GFOD1: variants seen among roughly 807,000 people sequenced by gnomAD.
The protein encoded by GFOD1 is glucose-fructose oxidoreductase domain-containing protein 1.
In GFOD1, 9 loss-of-function variants were observed where a neutral mutation model predicts 25.4. The ratio of observed to expected loss-of-function variants is 0.35; its 90% confidence interval spans 0.21 to 0.62. The LOEUF is 0.62. Among genes scored for constraint, GFOD1 ranks in the 20% least tolerant of loss-of-function variants. The pLI, the probability that GFOD1 is intolerant of heterozygous loss-of-function variation, is 0.72. For synonymous variants in GFOD1, 253 were observed against 245.6 expected, an observed-to-expected ratio of 1.03 and a Z score of -0.28; for missense variants, 403 against 556.9, an observed-to-expected ratio of 0.72 and a Z score of 2.78.
intron 1 of GFOD1, among the ~76,000 whole-genome samples, chr6:13,419,937 C>T (rs908785439): frequency 6.6e-6 from 1 of 152,208 alleles, no homozygotes; most frequent in Non-Finnish European, 1.5e-5. Context: ...TGTGCCCCGC[C>T]GGCCGGGCTT....
intron 1 of GFOD1, among the ~76,000 whole-genome samples, chr6:13,423,781 A>T (rs1444842717): frequency 6.6e-6 from 1 of 152,214 alleles, no homozygotes; most frequent in African/African-American, 2.4e-5. Flanking sequence ...GTCCTTCCTT[A>T]GACATCCTTT....
chr6:13,390,520 G>A (rs779471552), intron 1 of GFOD1, among the ~76,000 whole-genome samples: 7 of 152,082 alleles, frequency 4.6e-5, no homozygotes, highest in Non-Finnish European at 1.0e-4. Context: ...GAACCCAGGA[G>A]TTTGAGACCA....
In GFOD1 at chr6:13,481,726, C is replaced by A. The variant is rs148856711; in HGVS notation, c.253+4912G>T. ...TTCTTTGCCTTGTCTGCGTCCTGAC[C>A]GTCAAGACGCTTGCTGGGAGAGGCA... On this transcript the variant is annotated intron_variant, in intron 1 of 1. Transcript: ENST00000379287. 4.6e-3 allele frequency among the ~76,000 whole-genome samples: 705 copies of A among 152,288 alleles called. 5 individuals are homozygous for A. Among genetic ancestry groups the A allele is most frequent in the Non-Finnish European group, 5.6e-3 (381 of 68,018 alleles).
chr6:13,400,410 G>A (rs999464100), intron 1 of GFOD1, among the ~76,000 whole-genome samples: 2 of 152,140 alleles, frequency 1.3e-5, no homozygotes, highest in African/African-American at 4.8e-5. Flanking sequence ...CCTCTGTGCT[G>A]ATGGGTTAGT....
At chr6:13,384,696 C>T (rs1252295547) in intron 1 of GFOD1, among the ~76,000 whole-genome samples, 1 of 152,178 alleles carries the variant, frequency 6.6e-6, no homozygotes, top group Non-Finnish European at 1.5e-5. Flanking sequence ...CGCTAACTCG[C>T]CGGTTCCACA....
At chr6:13,468,897 T>C (rs898736561) in intron 1 of GFOD1, among the ~76,000 whole-genome samples, 1 of 152,106 alleles carries the variant, frequency 6.6e-6, no homozygotes, top group African/African-American at 2.4e-5. Flanking sequence ...TGTTTAAGCA[T>C]ATGGGAGCCA....
At chr6:13,390,060 T>C (rs1302734748) in intron 1 of GFOD1, among the ~76,000 whole-genome samples, 2 of 152,040 alleles carry the variant, frequency 1.3e-5, no homozygotes, top group Non-Finnish European at 1.5e-5. Flanking sequence ...CCAACTTAAG[T>C]CCCACCACCT....
At chr6:13,477,827 A>C (rs1008367627) in intron 1 of GFOD1, among the ~76,000 whole-genome samples, 2 of 152,120 alleles carry the variant, frequency 1.3e-5, no homozygotes, top group East Asian at 3.9e-4. Flanking sequence ...ACACTTTGGA[A>C]GACTGAGGCG....
chr6:13,452,963 G>A (rs933905218), intron 1 of GFOD1, among the ~76,000 whole-genome samples: 1 of 152,168 alleles, frequency 6.6e-6, no homozygotes, highest in African/African-American at 2.4e-5. Flanking sequence ...AGGGAATCTG[G>A]TGACGCATTT....
chr6:13,414,638 G>A (rs897151033), intron 1 of GFOD1, among the ~76,000 whole-genome samples: 1 of 152,162 alleles, frequency 6.6e-6, no homozygotes, highest in African/African-American at 2.4e-5. Context: ...TAAACAGCAT[G>A]CATATCATAG....
chr6:13,383,112 C>G (rs1408469335), intron 1 of GFOD1, among the ~76,000 whole-genome samples: 1 of 152,142 alleles, frequency 6.6e-6, no homozygotes, highest in Non-Finnish European at 1.5e-5. Context: ...CTATTGTGAA[C>G]AGTGCTGCAA....
rs58256557 is a variant in GFOD1, at chr6:13,365,878, C to CAATAATAATAATAAT, written c.254-231_254-217dup. On this transcript the variant is annotated intron_variant, in intron 1 of 1. Transcript: ENST00000379287. This position sits in a 1 kb window ranked among gnomAD's most constrained non-coding sequence, Gnocchi z 9.2. Reference sequence around the variant, plus strand: ...TGGGTAACACAGAGAGATCCTGTCTCAATAATAATAATAATAATAATAATA... The same window carrying CAATAATAATAATAAT: ...TGGGTAACACAGAGAGATCCTGTCTCAATAATAATAATAATAATAATAATAATAATAATAATAATA... Among the ~76,000 whole-genome samples the CAATAATAATAATAAT allele has an allele frequency of 7.5e-6, 1 of 133,912 alleles. No homozygotes were observed. Among genetic ancestry groups the CAATAATAATAATAAT allele is most frequent in the African/African-American group, 2.8e-5 (1 of 36,024 alleles). The allele number at this position is 133,912 out of a possible 152,430, so 87.9% of individuals were successfully genotyped here.
intron 1 of GFOD1, among the ~76,000 whole-genome samples, chr6:13,476,573 G>C (rs1383274892): frequency 6.6e-6 from 1 of 152,138 alleles, no homozygotes; most frequent in African/African-American, 2.4e-5. Context: ...AAAGAATGAA[G>C]AATGTTATGG....
At chr6:13,445,892 A>G (rs938502730) in intron 1 of GFOD1, among the ~76,000 whole-genome samples, 2 of 152,164 alleles carry the variant, frequency 1.3e-5, no homozygotes, top group Non-Finnish European at 2.9e-5. Context: ...GGACGCCACA[A>G]TGTAGGTCTG....
chr6:13,421,307 G>A (rs866001175), intron 1 of GFOD1, among the ~76,000 whole-genome samples: 1 of 151,956 alleles, frequency 6.6e-6, no homozygotes, highest in Non-Finnish European at 1.5e-5. Flanking sequence ...GGGCAACACG[G>A]CAAGACCCCA....
intron 1 of GFOD1, among the ~76,000 whole-genome samples, chr6:13,466,787 C>T (rs2560750): frequency 0.92 from 139,788 of 152,210 alleles, 65,328 homozygotes; most frequent in East Asian, 1. Context: ...GAAAATTATA[C>T]CCAACCCCAC....
chr6:13,441,272 C>T (rs1454178463), intron 1 of GFOD1, among the ~76,000 whole-genome samples: 1 of 152,194 alleles, frequency 6.6e-6, no homozygotes, highest in Non-Finnish European at 1.5e-5. Context: ...ACGCTGCCAG[C>T]ACACACCTAT....
chr6:13,444,457 C>T (rs1234660833), intron 1 of GFOD1, among the ~76,000 whole-genome samples: 1 of 151,182 alleles, frequency 6.6e-6, no homozygotes, highest in Non-Finnish European at 1.5e-5. Flanking sequence ...ATGACAAACC[C>T]TTGTGACATG....
In GFOD1 at chr6:13,390,780, AAAGGAAGGAAGG is replaced by A. The variant is rs58707530; in HGVS notation, c.254-25130_254-25119del. The stretch of plus-strand genomic sequence containing the variant: ...GAGAGAAAGAGAGAGAGAGAGAGAG[AAAGGAAGGAAGG>A]AAGGAAGGAAGGAAGGAAGGAAGGA... On this transcript the variant is annotated intron_variant, in intron 1 of 1. Transcript: ENST00000379287. Among the ~76,000 whole-genome samples the A allele has an allele frequency of 8.2e-4, 97 of 117,946 alleles. 1 individual carries two copies. Among genetic ancestry groups the A allele is most frequent in the Non-Finnish European group, 1.2e-3 (66 of 55,632 alleles). 77.4% of individuals were successfully genotyped at this position (117,946 alleles called of 152,430 possible).
Sources: gnomAD v4.1 joint callset for allele counts (sites outside exome capture counted in the v4.1 genomes callset) on GRCh38, gnomAD v4.1.1 for gene constraint, Gnocchi (gnomAD v3.1) non-coding constraint, MANE v1.5 for transcripts, NCBI Gene and HGNC (gene_info 2026-07-23, HGNC 2026-07-21) for gene names.